Variants in ANKRD45 observed in about 807,000 individuals in gnomAD.
ANKRD45 encodes ankyrin repeat domain-containing protein 45.
Under a neutral mutation model 28.1 loss-of-function variants are expected in ANKRD45, and 21 were observed. The observed-to-expected ratio is 0.75, with a 90% confidence interval of 0.53 to 1.08. The LOEUF (loss-of-function observed/expected upper bound fraction) is 1.08, where lower values mean the gene tolerates loss of function less well. Among genes scored for constraint, ANKRD45 ranks in the 50% least tolerant of loss-of-function variants. The pLI is 0.00. For missense variants in ANKRD45, 261 were observed against 308.7 expected, an observed-to-expected ratio of 0.85 and a Z score of 1.16; for synonymous variants, 86 against 103.9, an observed-to-expected ratio of 0.83 and a Z score of 1.05.
chr1:173,679,863 C>A, the ANKRD45 span, among the ~76,000 whole-genome samples: 1 of 152,160 alleles, frequency 6.6e-6, no homozygotes, highest in African/African-American at 2.4e-5. Context: ...CAAAACAACC[C>A]CATCAGTGGG....
At chr1:173,616,340 T>TA (rs201214976) in intron 5 of ANKRD45, among the ~76,000 whole-genome samples, 20 of 148,944 alleles carry the variant, frequency 1.3e-4, no homozygotes, top group South Asian at 4.3e-4. Flanking sequence ...AAAAAAAAGT[T>TA]AAAAAAAAAA....
the ANKRD45 span, among the ~76,000 whole-genome samples, chr1:173,690,068 C>T: frequency 2.9e-5 from 3 of 103,052 alleles, no homozygotes; most frequent in Non-Finnish European, 6.7e-5. Context: ...CCCCGCCCCC[C>T]CCCCCCCCGA....
At chr1:173,643,670 T>C (rs1264695105) in intron 3 of ANKRD45, among the ~76,000 whole-genome samples, 1 of 152,170 alleles carries the variant, frequency 6.6e-6, no homozygotes, top group Non-Finnish European at 1.5e-5. Flanking sequence ...AAACTATGGT[T>C]ACCGTATTTT....
intron 5 of ANKRD45, among the ~76,000 whole-genome samples, chr1:173,624,177 G>A (rs1377189120): frequency 3.3e-5 from 5 of 152,060 alleles, no homozygotes; most frequent in Admixed American, 6.6e-5. Context: ...CCCAGGAGGA[G>A]ATGCCTCCTA....
chr1:173,628,036 C>T (rs1265894853), intron 3 of ANKRD45, among the ~76,000 whole-genome samples: 1 of 151,718 alleles, frequency 6.6e-6, no homozygotes, highest in Non-Finnish European at 1.5e-5. Flanking sequence ...CAGAAGGGAA[C>T]CAGCTGCCTT....
At chr1:173,699,309 C>T in the ANKRD45 span, among the ~76,000 whole-genome samples, 2 of 152,174 alleles carry the variant, frequency 1.3e-5, no homozygotes, top group African/African-American at 4.8e-5. Flanking sequence ...AGAATCCTCC[C>T]TAACTCATTT....
chr1:173,676,363 C>T, the ANKRD45 span, among the ~76,000 whole-genome samples: 3 of 152,108 alleles, frequency 2.0e-5, no homozygotes, highest in South Asian at 4.1e-4. Flanking sequence ...CTGTTAAAAG[C>T]TGTAAATAGC....
intron 2 of ANKRD45, 88 bp from the exon 3 acceptor site, chr1:173,647,101 G>A (rs1668971886): frequency 7.7e-7 from 1 of 1,293,932 alleles, no homozygotes; most frequent in African/African-American, 1.5e-5. Flanking sequence ...TGGTGATCAA[G>A]TATTGAACAA....
At chr1:173,680,679 T>A in the ANKRD45 span, among the ~76,000 whole-genome samples, 1 of 151,988 alleles carries the variant, frequency 6.6e-6, no homozygotes. Flanking sequence ...GTATGTTTAC[T>A]ACAGCACTGT....
At position 173,629,843 on chromosome 1, in the gene ANKRD45, C is replaced by T. The variant is rs139341314; in HGVS notation, c.497-2684G>A. 1.5e-3 allele frequency among the ~76,000 whole-genome samples: 226 copies of T among 152,056 alleles called. 1 individual carries two copies. The highest frequency in any genetic ancestry group is 4.2e-3 in the South Asian group (20 of 4,810). ...TATAGAACACCAAGCAGTTTTAGCC[C>T]AAAGAAGACTACCTCAAGGTATTTA... On this transcript the variant is annotated intron_variant, in intron 3 of 5. Coordinates refer to ENST00000333279, the MANE Select transcript of ANKRD45 (RefSeq NM_198493.3).
rs758883481 is a variant in ANKRD45, at chr1:173,610,146, C to A, written c.800G>T (p.Ter267LeuextTer5). 8 of 1,613,752 alleles carry A rather than the reference C, an allele frequency of 5.0e-6. No homozygotes were observed. In the East Asian group the frequency reaches 1.6e-4, roughly 31 times the overall value. ...QKRSQDDTSN[*>L] ...TGTGGCCTTTTACAGAACGTATGTTCAGTTGGAGGTATCATCTTGACTTCT... is the reference window on the plus strand; with the variant it reads ...TGTGGCCTTTTACAGAACGTATGTTAAGTTGGAGGTATCATCTTGACTTCT... Residue 267 changes from the stop codon to leucine, a stop_lost, in exon 6 of 6, where the codon TGA becomes TTA. Transcript: ENST00000333279.
the ANKRD45 span, among the ~76,000 whole-genome samples, chr1:173,700,628 C>A: frequency 6.6e-6 from 1 of 151,938 alleles, no homozygotes; most frequent in Non-Finnish European, 1.5e-5. Flanking sequence ...TATGTAGAAA[C>A]CTGAAACTGG....
the ANKRD45 span, among the ~76,000 whole-genome samples, chr1:173,712,374 A>T: frequency 6.6e-6 from 1 of 152,322 alleles, no homozygotes; most frequent in East Asian, 1.9e-4. Flanking sequence ...TCTACTTCAT[A>T]ACTAGCTGTG....
chr1:173,653,395 T>C (rs574441143), intron 2 of ANKRD45, among the ~76,000 whole-genome samples: 1 of 152,342 alleles, frequency 6.6e-6, no homozygotes, highest in South Asian at 2.1e-4. Flanking sequence ...AGTTTCCATG[T>C]AGTTGTGTGG....
chr1:173,678,981 A>G, the ANKRD45 span, among the ~76,000 whole-genome samples: 4 of 152,322 alleles, frequency 2.6e-5, no homozygotes, highest in East Asian at 7.7e-4. Context: ...CGTAGGAATC[A>G]AAATTACAAC....
At chr1:173,641,085 T>C (rs932779277) in intron 3 of ANKRD45, among the ~76,000 whole-genome samples, 2 of 152,162 alleles carry the variant, frequency 1.3e-5, no homozygotes, top group Admixed American at 1.3e-4. Context: ...CAGTTTTAAA[T>C]CCCACACCAG....
Position 173,610,122 on chromosome 1 carries a change from G to A in ANKRD45, c.*23C>T. On this transcript the variant is annotated 3_prime_UTR_variant, in exon 6 of 6. Coordinates refer to ENST00000333279, the MANE Select transcript of ANKRD45 (RefSeq NM_198493.3). ...TGCCTTTCAGATACTAAAAGAAAAT[G>A]TGGCCTTTTACAGAACGTATGTTCA... The A allele has an allele frequency of 1.2e-6, 2 of 1,606,376 alleles. No individual in the cohort carries two copies. The highest frequency in any genetic ancestry group is 1.7e-6 in the Non-Finnish European group (2 of 1,174,884).
chr1:173,610,363 T>C, intron 5 of ANKRD45, 148 bp from the exon 6 acceptor site: 1 of 704,816 alleles, frequency 1.4e-6, no homozygotes, highest in Non-Finnish European at 2.4e-6. Flanking sequence ...TGTTGGTATG[T>C]CATTCAAATA....
intron 1 of ANKRD45, among the ~76,000 whole-genome samples, chr1:173,666,313 G>A (rs1028972163): frequency 9.2e-5 from 14 of 152,188 alleles, no homozygotes; most frequent in African/African-American, 3.1e-4. Flanking sequence ...ACATTTCTCA[G>A]CCTCCATAAT....
Sources: allele counts gnomAD v4.1 joint callset (sites outside exome capture counted in the v4.1 genomes callset), GRCh38; gene constraint gnomAD v4.1.1; transcripts MANE v1.5; gene names NCBI Gene and HGNC (gene_info 2026-07-23, HGNC 2026-07-21).